Variants in MCPH1 observed in about 807,000 individuals in gnomAD.
MCPH1 encodes the protein microcephalin 1, also known as microcephalin.
MCPH1 carries 104 observed loss-of-function variants against 84.5 expected under a neutral mutation model. The ratio of observed to expected loss-of-function variants is 1.23; its 90% CI spans 1.05 to 1.45. The LOEUF (loss-of-function observed/expected upper bound fraction) is 1.45, where lower values mean the gene tolerates loss of function less well. Ranked by LOEUF, MCPH1 falls within the 40% of genes most tolerant of loss-of-function variation. The pLI, the probability that MCPH1 is intolerant of heterozygous loss-of-function variation, is 0.00. For synonymous variants in MCPH1, 514 were observed against 366.8 expected (o/e 1.40, Z -4.58); for missense variants, 1,498 against 1,005.7 (o/e 1.49, Z -6.62).
rs1044102536 is a variant in MCPH1, at chr8:6,626,164, G to C, written c.2452+4473G>C. The C allele has an allele frequency of 1.1e-4, 104 of 985,254 alleles. 2 individuals carry two copies. In the South Asian group the frequency reaches 4.6e-3, roughly 44 times the overall value. 61.0% of individuals were successfully genotyped at this position (985,254 alleles called of 1,614,324 possible). On this transcript the variant is annotated intron_variant, in intron 13 of 13. Coordinates refer to ENST00000344683, the MANE Select transcript of MCPH1 (RefSeq NM_024596.5). The stretch of plus-strand genomic sequence containing the variant: ...GAATTTCTTTCGACCTCAGCTCTGA[G>C]GTGACCCTCAGCTCGCCCGCCACCC...
At chr8:6,532,617 C>CA in intron 12 of MCPH1, 3 of 670,324 alleles carry the variant, frequency 4.5e-6, no homozygotes, top group Non-Finnish European at 6.5e-6. Context: ...TGTACCTTGC[C>CA]TTCCTTTTGG....
intron 9 of MCPH1, among the ~76,000 whole-genome samples, chr8:6,470,425 A>G (rs747536144): frequency 2.0e-5 from 3 of 152,142 alleles, no homozygotes; most frequent in Non-Finnish European, 4.4e-5. Flanking sequence ...CTGGGATTAC[A>G]GGTTTCCTGC....
In MCPH1 at chr8:6,643,166, T is replaced by C. The variant is rs1798045555; in HGVS notation, c.*117T>C. On this transcript the variant is annotated 3_prime_UTR_variant, in exon 14 of 14. Coordinates refer to ENST00000344683, the MANE Select transcript of MCPH1 (RefSeq NM_024596.5). ...CTGGCGTATACAAGATGACTTCTGA[T>C]ATCATGTTTGCCATGTGTTGTGGTT... is the stretch of plus-strand genomic sequence containing the variant. 2 of 871,910 alleles carry C rather than the reference T, an allele frequency of 2.3e-6. No individual in the cohort carries two copies. The highest frequency in any genetic ancestry group is 3.8e-6 in the Non-Finnish European group (2 of 529,798). The allele number at this position is 871,910 out of a possible 1,614,324, so 54.0% of individuals were successfully genotyped here. A position where few individuals can be genotyped will look rare whatever the true frequency, so the allele number is the denominator to read the frequency against.
At chr8:6,436,726 T>G (rs1234601059) in intron 5 of MCPH1, among the ~76,000 whole-genome samples, 2 of 151,824 alleles carry the variant, frequency 1.3e-5, no homozygotes, top group Non-Finnish European at 2.9e-5. Flanking sequence ...TCCCAGCACT[T>G]TGGGAGGCAG....
At position 6,552,248 on chromosome 8, in the gene MCPH1, G is replaced by A. The variant is rs536604814; in HGVS notation, c.2214+52319G>A. On this transcript the variant is annotated intron_variant, in intron 12 of 13. Coordinates refer to ENST00000344683, the MANE Select transcript of MCPH1 (RefSeq NM_024596.5). ...AGAAACAACATGCAGAAGCAGCATT[G>A]CTTACGACTCACACTGAACCTGAAG... Among the ~76,000 whole-genome samples, 6 of 152,290 alleles carry A rather than the reference G, an allele frequency of 3.9e-5. No individual in the cohort carries two copies. In the South Asian group the frequency reaches 1.0e-3, roughly 26 times the overall value.
intron 12 of MCPH1, among the ~76,000 whole-genome samples, chr8:6,588,147 G>C (rs1031571664): frequency 5.3e-5 from 8 of 152,144 alleles, no homozygotes; most frequent in African/African-American, 1.9e-4. Context: ...GGCTAGTCTT[G>C]AGGCAGGCTG....
At chr8:6,601,021 C>T (rs1157249884) in intron 12 of MCPH1, among the ~76,000 whole-genome samples, 2 of 152,130 alleles carry the variant, frequency 1.3e-5, no homozygotes, top group Admixed American at 6.5e-5. Flanking sequence ...GGACTGGAGC[C>T]CCCAGGAAGG....
rs552276518 is a variant in MCPH1 at position 6,443,728 on chromosome 8, G to A, written c.671-665G>A. 2.7e-3 allele frequency among the ~76,000 whole-genome samples: 416 copies of A among 152,358 alleles called. 7 individuals carry two copies. Among genetic ancestry groups the A allele is most frequent in the Non-Finnish European group, 1.7e-3 (119 of 68,042 alleles). On this transcript the variant is annotated intron_variant, in intron 7 of 13. Transcript: ENST00000344683. ...GCAAGGGCAGTGGGAGGGTCCCAGG[G>A]ATGTTGACAACCCAGGTGGGTTTGG...
At chr8:6,441,095 C>A (rs1306060225) in intron 6 of MCPH1, among the ~76,000 whole-genome samples, 3 of 152,136 alleles carry the variant, frequency 2.0e-5, no homozygotes, top group Admixed American at 2.0e-4. Context: ...GGTCATATGG[C>A]CACCCCTTTT....
intron 9 of MCPH1, among the ~76,000 whole-genome samples, chr8:6,458,136 T>C (rs1443484462): frequency 6.6e-6 from 1 of 152,158 alleles, no homozygotes; most frequent in Non-Finnish European, 1.5e-5. Context: ...CATGTAAAGT[T>C]GTTTCATTTT....
At chr8:6,485,350 A>G (rs1809759162) in intron 11 of MCPH1, among the ~76,000 whole-genome samples, 1 of 151,948 alleles carries the variant, frequency 6.6e-6, no homozygotes, top group Non-Finnish European at 1.5e-5. Flanking sequence ...TATCTTACAT[A>G]TCTAACGTGC....
At chr8:6,500,417 A>G (rs1402693122) in intron 12 of MCPH1, 3 of 156,700 alleles carry the variant, frequency 1.9e-5, no homozygotes, top group East Asian at 3.7e-4. Context: ...AATTAAGTGG[A>G]TAATTTAAAG....
At chr8:6,632,232 G>C (rs1411673633) in intron 13 of MCPH1, among the ~76,000 whole-genome samples, 1 of 152,296 alleles carries the variant, frequency 6.6e-6, no homozygotes, top group African/African-American at 2.4e-5. Flanking sequence ...CTCAGTTTTG[G>C]ATAATGAGAA....
chr8:6,630,364 C>G (rs1008546442), intron 13 of MCPH1, among the ~76,000 whole-genome samples: 1 of 152,086 alleles, frequency 6.6e-6, no homozygotes, highest in Non-Finnish European at 1.5e-5. Flanking sequence ...GCATGATGAA[C>G]AATTTAATAC....
At chr8:6,536,029 C>T (rs1183803970) in intron 12 of MCPH1, among the ~76,000 whole-genome samples, 2 of 151,956 alleles carry the variant, frequency 1.3e-5, no homozygotes, top group Non-Finnish European at 2.9e-5. Context: ...TGCACTGCAG[C>T]TTGGGCGACA....
intron 12 of MCPH1, among the ~76,000 whole-genome samples, chr8:6,569,902 G>A (rs1433482779): frequency 6.6e-6 from 1 of 152,208 alleles, no homozygotes; most frequent in Non-Finnish European, 1.5e-5. Context: ...ACTGGGTCTT[G>A]TATGAAAGCT....
At chr8:6,421,707 A>G (rs1172659562) in intron 3 of MCPH1, among the ~76,000 whole-genome samples, 1 of 152,192 alleles carries the variant, frequency 6.6e-6, no homozygotes, top group African/African-American at 2.4e-5. Context: ...ATCCTGTGGC[A>G]GAGACCTTAC....
chr8:6,523,024 GTCTC>G (rs1239520772), intron 12 of MCPH1, among the ~76,000 whole-genome samples: 1 of 151,382 alleles, frequency 6.6e-6, no homozygotes, highest in African/African-American at 2.4e-5. Flanking sequence ...TTGAGATGGA[GTCTC>G]GCTCTGTCAC....
chr8:6,472,000 TAAGTA>T (rs1807785138), intron 9 of MCPH1, among the ~76,000 whole-genome samples: 1 of 152,208 alleles, frequency 6.6e-6, no homozygotes, highest in South Asian at 2.1e-4. Flanking sequence ...TGGCAACTGA[TAAGTA>T]AAGTTAGTTA....
Sources: gnomAD v4.1 joint callset for allele counts (sites outside exome capture counted in the v4.1 genomes callset) on GRCh38, gnomAD v4.1.1 for gene constraint, MANE v1.5 for transcripts, NCBI Gene and HGNC (gene_info 2026-07-23, HGNC 2026-07-21) for gene names.